The following CDH18 variants were observed in gnomAD, a reference collection of about 807,000 sequenced individuals.
CDH18 encodes cadherin 18, also known as cadherin-18.
In CDH18, 31 loss-of-function variants were observed where a neutral mutation model predicts 67.9. The ratio of observed to expected loss-of-function variants is 0.46; its 90% CI spans 0.34 to 0.62. The LOEUF (loss-of-function observed/expected upper bound fraction) is 0.62. Ranked by LOEUF, CDH18 falls within the 20% of genes least tolerant of loss-of-function variation. CDH18 has a pLI of 0.01. For missense variants in CDH18, 890 were observed against 975.5 expected (o/e 0.91, Z 1.17); for synonymous variants, 362 against 347.2 (o/e 1.04, Z -0.48).
chr5:20,253,122 G>C (rs1016833689), intron 2 of CDH18, among the ~76,000 whole-genome samples: 41 of 152,092 alleles, frequency 2.7e-4, no homozygotes, highest in African/African-American at 9.2e-4. Context: ...CATCTACTAG[G>C]TCGTATCCCA....
intron 2 of CDH18, among the ~76,000 whole-genome samples, chr5:19,934,219 A>G (rs980720614): frequency 2.0e-5 from 3 of 151,546 alleles, no homozygotes; most frequent in Non-Finnish European, 4.4e-5. Flanking sequence ...AAGAAAGGAA[A>G]TAAAAGAATA....
intron 2 of CDH18, among the ~76,000 whole-genome samples, chr5:19,998,920 GA>G (rs1282567032): frequency 2.6e-5 from 4 of 151,708 alleles, no homozygotes; most frequent in Admixed American, 6.6e-5. Flanking sequence ...GGCAGTAAAT[GA>G]AAAAAATACA....
chr5:20,468,002 T>G (rs572518417), intron 1 of CDH18, among the ~76,000 whole-genome samples: 1,335 of 69,882 alleles, frequency 0.019, 14 homozygotes, highest in African/African-American at 0.047. Context: ...ATGTATTTAT[T>G]TATGTATTTA....
chr5:19,489,448 C>T (rs984331233), intron 11 of CDH18, among the ~76,000 whole-genome samples: 6 of 151,864 alleles, frequency 4.0e-5, no homozygotes, highest in South Asian at 2.1e-4. Flanking sequence ...AGGGTTTCAC[C>T]ATGTTGGCCA....
At chr5:20,372,532 T>A (rs184876735) in intron 1 of CDH18, among the ~76,000 whole-genome samples, 256 of 152,240 alleles carry the variant, frequency 1.7e-3, no homozygotes, top group African/African-American at 5.7e-3. Context: ...TAAACGAAAT[T>A]ATCATGTATG....
intron 1 of CDH18, among the ~76,000 whole-genome samples, chr5:20,556,510 C>A (rs1018625136): frequency 6.6e-6 from 1 of 152,116 alleles, no homozygotes; most frequent in East Asian, 1.9e-4. Context: ...CAAGTAGGCC[C>A]GTTCTCTTCT....
At chr5:20,206,483 G>A (rs1390115294) in intron 2 of CDH18, among the ~76,000 whole-genome samples, 2 of 151,852 alleles carry the variant, frequency 1.3e-5, no homozygotes, top group East Asian at 1.9e-4. Context: ...CTTATTCAAC[G>A]AGGTTAGTAT....
intron 2 of CDH18, among the ~76,000 whole-genome samples, chr5:20,074,705 C>G (rs1434864253): frequency 6.8e-6 from 1 of 147,140 alleles, no homozygotes; most frequent in Admixed American, 7.0e-5. Context: ...CATAAGAATG[C>G]TTAAGTACTT....
At chr5:20,403,601 GT>G (rs1436234824) in intron 1 of CDH18, among the ~76,000 whole-genome samples, 1 of 152,078 alleles carries the variant, frequency 6.6e-6, no homozygotes, top group African/African-American at 2.4e-5. Context: ...AAATCTTTTT[GT>G]TTTCTGTGCA....
At chr5:20,228,987 T>C (rs1404668055) in intron 2 of CDH18, among the ~76,000 whole-genome samples, 1 of 152,094 alleles carries the variant, frequency 6.6e-6, no homozygotes, top group Non-Finnish European at 1.5e-5. Flanking sequence ...CATTTCATAT[T>C]TATGTACAGT....
chr5:20,432,386 C>T (rs1431646481), intron 1 of CDH18, among the ~76,000 whole-genome samples: 1 of 152,060 alleles, frequency 6.6e-6, no homozygotes, highest in Non-Finnish European at 1.5e-5. Context: ...GAGCTCAGAA[C>T]AGAGGGAAAG....
Position 20,037,553 on chromosome 5 carries a change from TC to T in CDH18, c.-517-45540del, listed in dbSNP as rs369788886. 6.1e-4 allele frequency among the ~76,000 whole-genome samples: 93 copies of T among 152,132 alleles called. No individual in the cohort carries two copies. In the South Asian group the frequency reaches 0.017, roughly 27 times the overall value. ...AAATTAGAATTCAGGATTAAGAAAC[TC>T]ACTAAAACCACACTATATGGAAACT... On this transcript the variant is annotated intron_variant, in intron 2 of 14. Transcript: ENST00000507958.
chr5:19,845,377 A>G (rs1782814904), intron 2 of CDH18, among the ~76,000 whole-genome samples: 1 of 152,136 alleles, frequency 6.6e-6, no homozygotes, highest in African/African-American at 2.4e-5. Context: ...TGGAAAAGAC[A>G]CCAGCTATCA....
chr5:20,491,907 T>C (rs1358068538), intron 1 of CDH18, among the ~76,000 whole-genome samples: 1 of 152,266 alleles, frequency 6.6e-6, no homozygotes, highest in South Asian at 2.1e-4. Context: ...TTCTTAAACA[T>C]TGGAATTCAG....
chr5:19,969,192 G>C lies in CDH18; in HGVS notation c.-257+11868C>G, dbSNP rs1294569778. On this transcript the variant is annotated intron_variant, in intron 2 of 12. Transcript: ENST00000382275. ...TGGCGATCATTAAAAAATCAGGAAAGAACAGGTGCTGGAGAGGATGTGGAG... is the reference window on the plus strand; with the variant it reads ...TGGCGATCATTAAAAAATCAGGAAACAACAGGTGCTGGAGAGGATGTGGAG... Among the ~76,000 whole-genome samples the C allele has an allele frequency of 3.2e-3, 461 of 145,698 alleles. 2 individuals are homozygous for C. Among genetic ancestry groups the C allele is most frequent in the African/African-American group, 0.011 (410 of 35,676 alleles).
chr5:20,235,658 C>T lies in CDH18; in HGVS notation c.-518+19786G>A, dbSNP rs1742422917. ...TGGCAAGGCTGTAGAGAAAAGAGAA[C>T]GTTTACACACTATTGGTGGGAACCT... On this transcript the variant is annotated intron_variant, in intron 2 of 14. Transcript: ENST00000507958. Among the ~76,000 whole-genome samples, 3 of 152,090 alleles carry T rather than the reference C, an allele frequency of 2.0e-5. No homozygotes were observed. In the South Asian group the frequency reaches 6.2e-4, roughly 31 times the overall value.
At chr5:20,513,583 AGTCTTAC>A (rs1480830007) in intron 1 of CDH18, among the ~76,000 whole-genome samples, 1 of 152,176 alleles carries the variant, frequency 6.6e-6, no homozygotes, top group Non-Finnish European at 1.5e-5. Flanking sequence ...TTATGCTACA[AGTCTTAC>A]ATGTAGGCAG....
intron 1 of CDH18, among the ~76,000 whole-genome samples, chr5:20,362,988 G>A (rs1192039232): frequency 6.6e-6 from 1 of 152,086 alleles, no homozygotes; most frequent in African/African-American, 2.4e-5. Context: ...TCAAGGGGAA[G>A]CTTTGCTTTT....
At chr5:19,809,561 T>C (rs1778419729) in intron 3 of CDH18, among the ~76,000 whole-genome samples, 3 of 152,174 alleles carry the variant, frequency 2.0e-5, no homozygotes, top group Admixed American at 2.0e-4. Flanking sequence ...TCACCAGCTT[T>C]AAAAAGTAGC....
Sources: gnomAD v4.1 joint callset for allele counts (sites outside exome capture counted in the v4.1 genomes callset) on GRCh38, gnomAD v4.1.1 for gene constraint, MANE v1.5 for transcripts, NCBI Gene and HGNC (gene_info 2026-07-23, HGNC 2026-07-21) for gene names.